DYM: variants seen among roughly 807,000 people sequenced by gnomAD.
DYM encodes dymeclin.
In DYM, 78 loss-of-function variants were observed where a neutral mutation model predicts 93.1. That is an observed-to-expected ratio of 0.84 (90% CI 0.70 to 1.01). The LOEUF is 1.01. DYM is among the 50% of genes least tolerant of loss of function. DYM has a pLI of 0.00. For synonymous variants in DYM, 321 were observed against 319.7 expected (o/e 1.00, Z -0.04); for missense variants, 789 against 845.0 (o/e 0.93, Z 0.82).
In DYM at chr18:49,135,029, A is replaced by C. The variant is rs144370796; in HGVS notation, c.1729-16103T>G. On this transcript the variant is annotated intron_variant, in intron 15 of 17. Transcript: ENST00000675505. The stretch of plus-strand genomic sequence containing the variant: ...AGGCTGAGGCAGGAGAATCACTTGA[A>C]TCCGGGAGGCGGAGGTTGCAGTGAG... Among the ~76,000 whole-genome samples, 533 of 152,224 alleles carry C rather than the reference A, an allele frequency of 3.5e-3. 28 individuals are homozygous for C. The East Asian group carries it at 0.084, about 24-fold the overall frequency.
At chr18:49,250,850 A>G (rs2094271161) in intron 13 of DYM, among the ~76,000 whole-genome samples, 1 of 152,274 alleles carries the variant, frequency 6.6e-6, no homozygotes, top group African/African-American at 2.4e-5. Flanking sequence ...TCAGTAAAGC[A>G]GAAGCAGTGG....
At chr18:49,157,347 T>G (rs1002287712) in intron 15 of DYM, among the ~76,000 whole-genome samples, 1 of 152,190 alleles carries the variant, frequency 6.6e-6, no homozygotes, top group African/African-American at 2.4e-5. Context: ...GGTCCCAGAC[T>G]GTCTCTCCCA....
In DYM at chr18:49,430,511, A is replaced by T. The variant is rs889416032; in HGVS notation, c.-53-64T>A. 3.3e-6 allele frequency: 4 copies of T among 1,220,838 alleles called. No individual in the cohort carries two copies. The Admixed American group carries it at 8.4e-5, about 26-fold the overall frequency. 75.6% of individuals were successfully genotyped at this position (1,220,838 alleles called of 1,614,324 possible). A position where few individuals can be genotyped will look rare whatever the true frequency, so the allele number is the denominator to read the frequency against. The stretch of plus-strand genomic sequence containing the variant: ...AAGTCATCATGCTTTGTCTACCTAT[A>T]AAAAAACTATAAACTTACTAAAGAA... On this transcript the variant is annotated intron_variant, in intron 1 of 17. Coordinates refer to ENST00000675505, the MANE Select transcript of DYM (RefSeq NM_001353214.3).
rs2070810290 is a variant in DYM at position 49,039,106 on chromosome 18, G to A, written c.*4949C>T. On this transcript the variant is annotated 3_prime_UTR_variant, in exon 18 of 18. Transcript: ENST00000675505. ...AATTTTCCTTTAGGGTAGGCGTGCT[G>A]ATTAATTCTTCTAGCTGTTTCTCTA... Among the ~76,000 whole-genome samples, 1 of 152,142 alleles carries A rather than the reference G, an allele frequency of 6.6e-6. No homozygotes were observed. Among genetic ancestry groups the A allele is most frequent in the Non-Finnish European group, 1.5e-5 (1 of 68,006 alleles).
intron 1 of DYM, among the ~76,000 whole-genome samples, chr18:49,442,333 C>T (rs1453120596): frequency 6.6e-6 from 1 of 152,028 alleles, no homozygotes; most frequent in Admixed American, 6.6e-5. Flanking sequence ...TCACTTGAGC[C>T]CAGGACTTGG....
intron 15 of DYM, among the ~76,000 whole-genome samples, chr18:49,137,324 A>G (rs1269928715): frequency 6.6e-6 from 1 of 152,226 alleles, no homozygotes; most frequent in Admixed American, 6.5e-5. Context: ...TGGAAAGAAT[A>G]CTGGCAGGGA....
At chr18:49,440,493 T>C (rs2081266938) in intron 1 of DYM, among the ~76,000 whole-genome samples, 1 of 82,440 alleles carries the variant, frequency 1.2e-5, no homozygotes, top group Non-Finnish European at 2.1e-5. Context: ...TATATTTATA[T>C]AATATATGAC....
chr18:49,083,204 G>A (rs1198523722), intron 17 of DYM, among the ~76,000 whole-genome samples: 1 of 152,186 alleles, frequency 6.6e-6, no homozygotes, highest in Non-Finnish European at 1.5e-5. Flanking sequence ...TACAAACATA[G>A]GTGGCAGGCA....
intron 15 of DYM, among the ~76,000 whole-genome samples, chr18:49,159,650 G>T (rs1224394981): frequency 6.6e-6 from 1 of 152,160 alleles, no homozygotes; most frequent in Non-Finnish European, 1.5e-5. Context: ...GGGAAGACAA[G>T]GCAGGACAAT....
chr18:49,050,589 G>A (rs1389834623), intron 17 of DYM, among the ~76,000 whole-genome samples: 2 of 151,978 alleles, frequency 1.3e-5, no homozygotes, highest in African/African-American at 2.4e-5. Flanking sequence ...ACGGGGCTGC[G>A]GGGGCTGTGG....
intron 13 of DYM, among the ~76,000 whole-genome samples, chr18:49,252,789 G>C (rs2094317736): frequency 6.6e-6 from 1 of 152,198 alleles, no homozygotes; most frequent in South Asian, 2.1e-4. Context: ...ACAGTCTTAA[G>C]GGCTGGAAGT....
intron 14 of DYM, among the ~76,000 whole-genome samples, chr18:49,200,402 A>G (rs771245553): frequency 2.6e-5 from 4 of 151,876 alleles, no homozygotes; most frequent in African/African-American, 4.8e-5. Flanking sequence ...ATAATTTTAT[A>G]TTTTTTTCAT....
rs1310245423 is a variant in DYM, at chr18:49,292,400, A to G, written c.764-5784T>C. ...CACACACACACACACACACACACAC[A>G]CAGAGCCCTCCTTCCTTTTTCTGGT... On this transcript the variant is annotated intron_variant, in intron 8 of 17. Transcript: ENST00000675505. 2.1e-5 allele frequency among the ~76,000 whole-genome samples: 3 copies of G among 141,846 alleles called. No homozygotes were observed. The South Asian group carries it at 6.9e-4, about 33-fold the overall frequency. 93.1% of individuals were successfully genotyped at this position (141,846 alleles called of 152,430 possible).
Position 49,094,340 on chromosome 18 carries a change from C to T in DYM, c.2025+3062G>A, listed in dbSNP as rs528976173. ...CCAGGAACATGCCCTGTTGTGGATACAGACAGTGAGAGCTTTGAGCTGCGG... is the reference window on the plus strand; with the variant it reads ...CCAGGAACATGCCCTGTTGTGGATATAGACAGTGAGAGCTTTGAGCTGCGG... On this transcript the variant is annotated intron_variant, in intron 17 of 17. Coordinates refer to ENST00000675505, the MANE Select transcript of DYM (RefSeq NM_001353214.3). 8.9e-4 allele frequency among the ~76,000 whole-genome samples: 135 copies of T among 152,278 alleles called. 1 individual carries two copies. Among genetic ancestry groups the T allele is most frequent in the Non-Finnish European group, 1.0e-3 (71 of 68,018 alleles).
At chr18:49,215,590 C>T (rs186508495) in intron 13 of DYM, among the ~76,000 whole-genome samples, 4 of 152,268 alleles carry the variant, frequency 2.6e-5, no homozygotes, top group East Asian at 1.9e-4. Context: ...ACAGATTATT[C>T]TAGATGTGTC....
chr18:49,046,365 AAC>A (rs886426460), intron 17 of DYM, among the ~76,000 whole-genome samples: 4 of 149,934 alleles, frequency 2.7e-5, no homozygotes, highest in Non-Finnish European at 4.5e-5. Context: ...ACATACAGAC[AAC>A]ACAGACATGC....
intron 6 of DYM, chr18:49,359,806 T>A (rs912730568): frequency 1.3e-5 from 2 of 152,248 alleles, no homozygotes; most frequent in Non-Finnish European, 2.9e-5. Context: ...TTATAGCACT[T>A]CTGATGATGT....
chr18:49,253,187 A>C (rs2094325668), intron 13 of DYM, among the ~76,000 whole-genome samples: 1 of 152,228 alleles, frequency 6.6e-6, no homozygotes, highest in Non-Finnish European at 1.5e-5. Flanking sequence ...TGCAACTGAC[A>C]AATATAAAAT....
At chr18:49,450,587 G>C (rs563149374) in intron 1 of DYM, among the ~76,000 whole-genome samples, 1 of 152,224 alleles carries the variant, frequency 6.6e-6, no homozygotes, top group African/African-American at 2.4e-5. Flanking sequence ...TGGCTTTCTG[G>C]ATTGTTCAGA....
Sources: allele counts gnomAD v4.1 joint callset (sites outside exome capture counted in the v4.1 genomes callset), GRCh38; gene constraint gnomAD v4.1.1; transcripts MANE v1.5; gene names NCBI Gene and HGNC (gene_info 2026-07-23, HGNC 2026-07-21).